Variants in PLXNA4 observed in about 807,000 individuals in gnomAD.
The protein encoded by PLXNA4 is plexin-A4.
Under a neutral mutation model 191.8 loss-of-function variants are expected in PLXNA4, and 44 were observed. That is an observed-to-expected ratio of 0.23 (90% confidence interval 0.18 to 0.29). The LOEUF (loss-of-function observed/expected upper bound fraction) is 0.29, where lower values mean the gene tolerates loss of function less well. Among genes scored for constraint, PLXNA4 ranks in the 10% least tolerant of loss-of-function variants. The pLI is 1.00. For synonymous variants in PLXNA4, 1,082 were observed against 1,009.5 expected, an observed-to-expected ratio of 1.07 and a Z score of -1.36; for missense variants, 1,800 against 2,488.8, an observed-to-expected ratio of 0.72 and a Z score of 5.89.
intron 2 of PLXNA4, among the ~76,000 whole-genome samples, chr7:132,591,326 T>C (rs1038931735): frequency 6.6e-6 from 1 of 152,080 alleles, no homozygotes; most frequent in African/African-American, 2.4e-5. Flanking sequence ...ACTCAAACAA[T>C]CTTCACCATG....
At chr7:132,132,779 A>G (rs1311408373) in intron 31 of PLXNA4, among the ~76,000 whole-genome samples, 7 of 152,232 alleles carry the variant, frequency 4.6e-5, no homozygotes, top group Admixed American at 3.9e-4. Context: ...GAAGAAATAC[A>G]GGAGAGAAAA....
chr7:132,153,019 C>T (rs759499418), intron 25 of PLXNA4, among the ~76,000 whole-genome samples: 8 of 152,294 alleles, frequency 5.3e-5, no homozygotes, highest in African/African-American at 1.4e-4. Flanking sequence ...AACAGGGAAA[C>T]GGGATAAAAC....
intron 3 of PLXNA4, among the ~76,000 whole-genome samples, chr7:132,369,703 A>G (rs1336759687): frequency 6.6e-6 from 1 of 152,092 alleles, no homozygotes; most frequent in Non-Finnish European, 1.5e-5. Context: ...GGGAATTTTT[A>G]TAGACACCCT....
Position 132,507,730 on chromosome 7 carries a change from G to T in PLXNA4, c.964C>A (p.Leu322Ile), listed in dbSNP as rs766363548. The T allele has an allele frequency of 2.5e-6, 4 of 1,614,080 alleles. No homozygotes were observed. The highest frequency in any genetic ancestry group is 1.7e-6 in the Non-Finnish European group (2 of 1,180,052). ...GGATGGACTCCAAGGGTCCTGCCAA[G>T]CACGGCCCCCGCTTTGGACAGGTAG... ...AAYLSKAGAV[L>I]GRTLGVHPDD... The change falls in exon 2 of 32, where the codon CTT becomes ATT. Residue 322 changes from leucine to isoleucine, a missense_variant. Leu to Ile is a conservative substitution (Grantham distance 5). Around this residue, in one of 6 missense-constraint regions of PLXNA4, gnomAD observed 1,397 missense variants for 1,880.4 expected, o/e 0.74. Transcript: ENST00000321063.
chr7:132,187,354 C>G (rs1365060687), intron 15 of PLXNA4, 117 bp downstream of exon 15: 8 of 1,469,694 alleles, frequency 5.4e-6, no homozygotes, highest in African/African-American at 2.8e-5. Context: ...GCAAGAAGAA[C>G]CTGTCAGGTG....
At chr7:132,351,917 AG>A (rs1335692745) in intron 3 of PLXNA4, among the ~76,000 whole-genome samples, 2 of 152,222 alleles carry the variant, frequency 1.3e-5, no homozygotes, top group African/African-American at 2.4e-5. Flanking sequence ...GGAAAATAAA[AG>A]GGGGCCAATT....
intron 1 of PLXNA4, among the ~76,000 whole-genome samples, chr7:132,536,580 T>C (rs1799842459): frequency 6.6e-6 from 1 of 152,292 alleles, no homozygotes; most frequent in Non-Finnish European, 1.5e-5. Flanking sequence ...ACCTGCCAGA[T>C]ATAGGCTGAT....
chr7:132,327,668 G>A (rs918573592), intron 3 of PLXNA4, among the ~76,000 whole-genome samples: 2 of 152,168 alleles, frequency 1.3e-5, no homozygotes, highest in African/African-American at 4.8e-5. Context: ...CACTGTGTGA[G>A]GAAGGTCACA....
chr7:132,284,501 C>T (rs780692106), intron 4 of PLXNA4, among the ~76,000 whole-genome samples: 20 of 152,140 alleles, frequency 1.3e-4, no homozygotes, highest in Admixed American at 5.9e-4. Flanking sequence ...GAGGGCCTTC[C>T]TCTCCTGCTG....
chr7:132,542,975 C>T (rs1800147205), intron 1 of PLXNA4, among the ~76,000 whole-genome samples: 2 of 152,056 alleles, frequency 1.3e-5, no homozygotes. Flanking sequence ...GGAAATTATC[C>T]AGGAAACCTG....
chr7:132,510,846 T>C (rs1000435219), intron 1 of PLXNA4, among the ~76,000 whole-genome samples: 12 of 152,268 alleles, frequency 7.9e-5, no homozygotes, highest in Admixed American at 2.0e-4. Flanking sequence ...CTGGAGAACA[T>C]AGTTCATGAA....
chr7:132,479,041 G>A (rs1797236160), intron 3 of PLXNA4, among the ~76,000 whole-genome samples: 1 of 152,104 alleles, frequency 6.6e-6, no homozygotes, highest in Admixed American at 6.6e-5. Context: ...GCCGAGGTGG[G>A]AGGATTGCTT....
intron 2 of PLXNA4, among the ~76,000 whole-genome samples, chr7:132,504,792 C>T (rs1467410505): frequency 2.0e-5 from 3 of 152,208 alleles, no homozygotes; most frequent in East Asian, 3.9e-4. Flanking sequence ...TCATCTTGTT[C>T]ATCCTCCACC....
intron 30 of PLXNA4, among the ~76,000 whole-genome samples, chr7:132,136,366 C>T (rs1437747572): frequency 6.6e-6 from 1 of 152,218 alleles, no homozygotes. Flanking sequence ...TGAACTTGCT[C>T]CTGTGGGCAT....
intron 3 of PLXNA4, among the ~76,000 whole-genome samples, chr7:132,415,185 G>A (rs930052220): frequency 9.8e-5 from 15 of 152,362 alleles, no homozygotes; most frequent in Admixed American, 3.9e-4. Flanking sequence ...GGGGAGGTCC[G>A]AAGGGAGTTG....
intron 3 of PLXNA4, among the ~76,000 whole-genome samples, chr7:132,367,448 G>A: frequency 6.6e-6 from 1 of 151,936 alleles, no homozygotes; most frequent in Admixed American, 6.6e-5. Context: ...CAGGGAAGGA[G>A]GGAGATACAG....
At chr7:132,166,493 A>C (rs1392568699) in intron 22 of PLXNA4, among the ~76,000 whole-genome samples, 1 of 151,710 alleles carries the variant, frequency 6.6e-6, no homozygotes. Context: ...GAGAGAAACT[A>C]GCCCATCCAG....
At chr7:132,260,372 T>C (rs1174088180) in intron 4 of PLXNA4, among the ~76,000 whole-genome samples, 26 of 152,170 alleles carry the variant, frequency 1.7e-4, no homozygotes, top group Admixed American at 1.7e-3. Flanking sequence ...TGGATGCAAC[T>C]GGAGGCCGTT....
intron 2 of PLXNA4, among the ~76,000 whole-genome samples, chr7:132,645,007 C>A (rs1032152757): frequency 5.9e-5 from 9 of 152,308 alleles, no homozygotes; most frequent in Admixed American, 5.9e-4. Flanking sequence ...TAGGACCACA[C>A]CCAGTGGCTC....
Sources: gnomAD v4.1 joint callset for allele counts (sites outside exome capture counted in the v4.1 genomes callset) on GRCh38, gnomAD v4.1.1 for gene constraint, gnomAD v4.1.1 regional missense constraint, MANE v1.5 for transcripts, NCBI Gene and HGNC (gene_info 2026-07-23, HGNC 2026-07-21) for gene names.